ZDHHC14: variants seen among roughly 807,000 people sequenced by gnomAD.
The protein encoded by ZDHHC14 is palmitoyltransferase ZDHHC14.
Under a neutral mutation model 47.7 loss-of-function variants are expected in ZDHHC14, and 16 were observed. The observed-to-expected ratio is 0.34, with a 90% confidence interval of 0.23 to 0.51. ZDHHC14 has a LOEUF of 0.51. ZDHHC14 is among the 20% of genes least tolerant of loss of function. ZDHHC14 has a pLI of 0.97. For missense variants in ZDHHC14, 515 were observed against 662.5 expected (o/e 0.78, Z 2.44); for synonymous variants, 293 against 278.9 (o/e 1.05, Z -0.50).
chr6:157,564,201 C>G (rs987599710), intron 2 of ZDHHC14, among the ~76,000 whole-genome samples: 2 of 152,222 alleles, frequency 1.3e-5, no homozygotes, highest in Non-Finnish European at 1.5e-5. Flanking sequence ...GTGGTCACAG[C>G]TGGTGCCTGC....
chr6:157,626,012 G>A (rs1412466345), intron 3 of ZDHHC14, among the ~76,000 whole-genome samples: 2 of 152,098 alleles, frequency 1.3e-5, no homozygotes, highest in Admixed American at 6.6e-5. Flanking sequence ...CTCTGCCTCC[G>A]TCGGGAAAGC....
intron 1 of ZDHHC14, among the ~76,000 whole-genome samples, chr6:157,401,844 G>A (rs1777645405): frequency 6.9e-6 from 1 of 144,642 alleles, no homozygotes; most frequent in East Asian, 2.1e-4. Context: ...CACCTGCAGA[G>A]GTCACAGCAA....
At chr6:157,396,317 T>C (rs529365828) in intron 1 of ZDHHC14, among the ~76,000 whole-genome samples, 199 of 152,292 alleles carry the variant, frequency 1.3e-3, no homozygotes, top group Non-Finnish European at 1.8e-3. Flanking sequence ...AGCTGATCTT[T>C]CCAGTGAGCC....
At chr6:157,456,709 A>T (rs1562432701) in intron 1 of ZDHHC14, among the ~76,000 whole-genome samples, 1 of 152,134 alleles carries the variant, frequency 6.6e-6, no homozygotes, top group Non-Finnish European at 1.5e-5. Flanking sequence ...AAGTTTGGAA[A>T]TTTACCAAGG....
intron 3 of ZDHHC14, among the ~76,000 whole-genome samples, chr6:157,597,700 G>A (rs1231917843): frequency 6.6e-6 from 1 of 152,228 alleles, no homozygotes; most frequent in Non-Finnish European, 1.5e-5. Flanking sequence ...CTCTGCACCT[G>A]AGATGCCACA....
intron 5 of ZDHHC14, among the ~76,000 whole-genome samples, chr6:157,642,587 G>C (rs113735623): frequency 0.011 from 1,725 of 152,264 alleles, 30 homozygotes; most frequent in African/African-American, 0.039. Flanking sequence ...AGCAGGGGTT[G>C]TGGGGGAGAC....
intron 1 of ZDHHC14, among the ~76,000 whole-genome samples, chr6:157,472,685 A>G (rs1290929926): frequency 1.3e-5 from 2 of 152,192 alleles, no homozygotes; most frequent in Non-Finnish European, 2.9e-5. Context: ...TTGAAAGCAC[A>G]TGCTCTAGAA....
In ZDHHC14 at chr6:157,398,848, C is replaced by G. The variant is rs144673535; in HGVS notation, c.245+16582C>G. Among the ~76,000 whole-genome samples the G allele has an allele frequency of 3.3e-4, 51 of 152,318 alleles. 1 individual carries two copies. The East Asian group carries it at 8.7e-3, about 26-fold the overall frequency. ...CTTATTGCATCTCCACTGACCAGTA[C>G]AAGAGAAGAGGAAAAGCTCTATGTG... On this transcript the variant is annotated intron_variant, in intron 1 of 8. Coordinates refer to ENST00000359775, the MANE Select transcript of ZDHHC14 (RefSeq NM_024630.3).
chr6:157,508,180 A>G (rs1780377205), intron 1 of ZDHHC14, among the ~76,000 whole-genome samples: 1 of 152,120 alleles, frequency 6.6e-6, no homozygotes. Flanking sequence ...TGTTTTCTCA[A>G]ATGATGATCA....
At chr6:157,476,376 C>A (rs1197048372) in intron 1 of ZDHHC14, among the ~76,000 whole-genome samples, 1 of 152,130 alleles carries the variant, frequency 6.6e-6, no homozygotes, top group East Asian at 1.9e-4. Flanking sequence ...AAAACCTGAA[C>A]AAACCAATAA....
In ZDHHC14 at chr6:157,381,708, G is replaced by C. The variant is rs1777213760; in HGVS notation, c.-314G>C. 1 of 145,322 alleles carries C rather than the reference G, an allele frequency of 6.9e-6. No individual in the cohort carries two copies. The highest frequency in any genetic ancestry group is 6.8e-5 in the Admixed American group (1 of 14,712). The allele number at this position is 145,322 out of a possible 1,614,324, so 9.0% of individuals were successfully genotyped here. On this transcript the variant is annotated 5_prime_UTR_variant, in exon 1 of 9. Coordinates refer to ENST00000359775, the MANE Select transcript of ZDHHC14 (RefSeq NM_024630.3). The stretch of plus-strand genomic sequence containing the variant: ...CAGCCGCGCGAGGGGGCGGGCGCTC[G>C]GCGACCCGGGGGCCGGCCGGGCTGA...
At chr6:157,602,012 G>T (rs183591797) in intron 3 of ZDHHC14, among the ~76,000 whole-genome samples, 178 of 151,430 alleles carry the variant, frequency 1.2e-3, no homozygotes, top group Non-Finnish European at 1.6e-3. Flanking sequence ...GACCATCCTG[G>T]CCAATATGGT....
intron 1 of ZDHHC14, among the ~76,000 whole-genome samples, chr6:157,423,008 C>A (rs887573280): frequency 1.3e-5 from 2 of 152,138 alleles, no homozygotes; most frequent in African/African-American, 2.4e-5. Flanking sequence ...TTCTACTTTT[C>A]AGTCGATAAG....
intron 8 of ZDHHC14, among the ~76,000 whole-genome samples, chr6:157,669,137 A>G (rs764980997): frequency 6.6e-6 from 1 of 152,258 alleles, no homozygotes; most frequent in African/African-American, 2.4e-5. Context: ...CCAACTCTGC[A>G]TCAACCCCAA....
intron 2 of ZDHHC14, among the ~76,000 whole-genome samples, chr6:157,544,778 C>T (rs1423728251): frequency 1.3e-5 from 2 of 152,166 alleles, no homozygotes; most frequent in African/African-American, 4.8e-5. Flanking sequence ...AAACTGGAAC[C>T]CTTGTACATT....
At chr6:157,544,228 T>G (rs2114807886) in intron 2 of ZDHHC14, among the ~76,000 whole-genome samples, 1 of 152,350 alleles carries the variant, frequency 6.6e-6, no homozygotes, top group Admixed American at 6.5e-5. Flanking sequence ...AATCCTCTTC[T>G]CAGTGCAAGG....
chr6:157,591,612 T>C (rs1049338527), intron 2 of ZDHHC14, among the ~76,000 whole-genome samples: 4 of 152,176 alleles, frequency 2.6e-5, no homozygotes, highest in Non-Finnish European at 4.4e-5. Flanking sequence ...GGTATGTCTT[T>C]ATTGGCAGCA....
rs1171457124 is a variant in ZDHHC14 at position 157,382,140 on chromosome 6, G to C, written c.119G>C (p.Trp40Ser). The C allele has an allele frequency of 6.2e-7, 1 of 1,613,702 alleles. No individual in the cohort carries two copies. The highest frequency in any genetic ancestry group is 8.5e-7 in the Non-Finnish European group (1 of 1,179,898). ...KKKKIAARRK[W>S]EVFPGRNKFF... The stretch of plus-strand genomic sequence containing the variant: ...AAGAAAATCGCGGCCCGGAGGAAAT[G>C]GGAGGTGTTCCCGGGAAGAAACAAG... The change falls in exon 1 of 9, where the codon TGG becomes TCG. Residue 40 changes from tryptophan (W) to serine (S), a missense_variant. Physicochemically the swap from Trp to Ser is radical, Grantham distance 177 (BLOSUM62 -3). This residue lies in a region of ZDHHC14 where 59 missense variants were observed against 57.7 expected (regional missense o/e 1.02). Transcript: ENST00000359775.
At chr6:157,602,687 G>A (rs1209353548) in intron 3 of ZDHHC14, among the ~76,000 whole-genome samples, 1 of 152,168 alleles carries the variant, frequency 6.6e-6, no homozygotes. Context: ...CCAGCCTGGC[G>A]GGGTGTGTGA....
Sources: allele counts gnomAD v4.1 joint callset (sites outside exome capture counted in the v4.1 genomes callset), GRCh38; gene constraint gnomAD v4.1.1; regional missense constraint gnomAD v4.1.1; transcripts MANE v1.5; gene names NCBI Gene and HGNC (gene_info 2026-07-23, HGNC 2026-07-21).